KMT2C: variants seen among roughly 807,000 people sequenced by gnomAD.
KMT2C encodes lysine methyltransferase 2C, also known as histone-lysine N-methyltransferase 2C.
In KMT2C, 88 loss-of-function variants were observed where a neutral mutation model predicts 507.9. That is an observed-to-expected ratio of 0.17 (90% confidence interval 0.15 to 0.21). The LOEUF (loss-of-function observed/expected upper bound fraction) is 0.21. Ranked by LOEUF, KMT2C falls within the 10% of genes least tolerant of loss-of-function variation. The pLI is 1.00. For synonymous variants in KMT2C, 2,049 were observed against 2,080.8 expected (o/e 0.98, Z 0.42); for missense variants, 4,954 against 5,957.8 (o/e 0.83, Z 5.55).
intron 12 of KMT2C, among the ~76,000 whole-genome samples, chr7:152,250,304 G>C (rs759609841): frequency 3.3e-5 from 5 of 151,914 alleles, no homozygotes; most frequent in African/African-American, 4.8e-5. Context: ...CTATATAATT[G>C]AACATACAAC....
At chr7:152,182,656 G>C (rs1475136520) in intron 35 of KMT2C, 62 bp from the exon 36 acceptor site, 7 of 1,397,350 alleles carry the variant, frequency 5.0e-6, no homozygotes, top group Non-Finnish European at 6.7e-6. Flanking sequence ...TACCATCATG[G>C]GGGGAAAAAG....
intron 31 of KMT2C, among the ~76,000 whole-genome samples, chr7:152,190,806 T>A (rs1171730205): frequency 6.6e-6 from 1 of 152,194 alleles, no homozygotes; most frequent in East Asian, 1.9e-4. Flanking sequence ...CTCCCCTTTC[T>A]CATCAATTCT....
At chr7:152,143,556 ACTGTGAGATC>A (rs2090814277) in intron 55 of KMT2C, among the ~76,000 whole-genome samples, 1 of 152,240 alleles carries the variant, frequency 6.6e-6, no homozygotes, top group East Asian at 1.9e-4. Flanking sequence ...TCAGGTCCAC[ACTGTGAGATC>A]CTGAATCTCA....
Position 152,148,928 on chromosome 7 carries a change from A to C in KMT2C, c.12999T>G (p.Pro4333=), listed in dbSNP as rs2129095608. The change falls in exon 52 of 59, where the codon CCT becomes CCG. Residue 4333 remains proline (P), a synonymous_variant. Transcript: ENST00000262189. This position sits in a 1 kb window ranked among gnomAD's most constrained non-coding sequence, Gnocchi z 7.1. ...ACCCACCATGGACAGCTCTTAGCCG[A>C]GGCTTCAGCTTGACTGTCACCTTCA... ...DELKVTVKLK[P]RLRAVHGGFE... The C allele has an allele frequency of 4.3e-6, 7 of 1,612,430 alleles. No homozygotes were observed. The highest frequency in any genetic ancestry group is 5.9e-6 in the Non-Finnish European group (7 of 1,179,224).
chr7:152,224,830 A>G (rs2094879410), intron 18 of KMT2C, among the ~76,000 whole-genome samples: 1 of 152,210 alleles, frequency 6.6e-6, no homozygotes, highest in Admixed American at 6.5e-5. Flanking sequence ...AATGGCACAT[A>G]TTTTAACGCC....
chr7:152,349,256 A>T (rs1164806703), intron 2 of KMT2C, among the ~76,000 whole-genome samples: 1 of 151,994 alleles, frequency 6.6e-6, no homozygotes, highest in Non-Finnish European at 1.5e-5. Context: ...GACCAGCCTG[A>T]TCAACATGGA....
In KMT2C at chr7:152,248,146, G is replaced by T. The variant is rs764160326; in HGVS notation, c.2288C>A (p.Ser763Ter). The T allele has an allele frequency of 1.2e-6, 2 of 1,614,166 alleles. No homozygotes were observed. The highest frequency in any genetic ancestry group is 1.1e-5 in the South Asian group (1 of 91,082). The part of the protein sequence containing the change: ...SYQGGKSIKL[S>*]SETESSFSSS... ...TGAAAATGATGACTCTGTCTCAGATGATAACTTTATAGATTTGCCTCCTTG... is the reference window on the plus strand; with the variant it reads ...TGAAAATGATGACTCTGTCTCAGATTATAACTTTATAGATTTGCCTCCTTG... The change falls in exon 14 of 59, where the codon TCA (serine) becomes TAA (stop). Residue 763 changes from serine to a stop codon, truncating the protein, a stop_gained. Coordinates refer to ENST00000262189, the MANE Select transcript of KMT2C (RefSeq NM_170606.3). LOFTEE classifies it high-confidence loss of function.
intron 2 of KMT2C, among the ~76,000 whole-genome samples, chr7:152,339,989 C>CT (rs370264936): frequency 3.0e-4 from 44 of 148,108 alleles, no homozygotes; most frequent in Middle Eastern, 3.4e-3. Flanking sequence ...CTTTAATCAA[C>CT]TTTTTTTTTT....
intron 6 of KMT2C, among the ~76,000 whole-genome samples, chr7:152,301,141 C>A (rs1281080976): frequency 1.3e-5 from 2 of 150,542 alleles, no homozygotes; most frequent in Non-Finnish European, 1.5e-5. Context: ...GGTGGGAGAA[C>A]TGCTTGGGCC....
At chr7:152,255,121 A>ATATATATATATG (rs2095630186) in intron 9 of KMT2C, among the ~76,000 whole-genome samples, 6 of 110,488 alleles carry the variant, frequency 5.4e-5, no homozygotes, top group Non-Finnish European at 8.5e-5. Context: ...ATATATATAT[A>ATATATATATATG]TATATATATA....
intron 3 of KMT2C, among the ~76,000 whole-genome samples, chr7:152,327,196 G>A (rs2096836882): frequency 6.6e-6 from 1 of 152,184 alleles, no homozygotes; most frequent in African/African-American, 2.4e-5. Context: ...TACATGGATA[G>A]CCAATTATTG....
chr7:152,363,918 G>C (rs767528928), intron 1 of KMT2C, among the ~76,000 whole-genome samples: 1 of 152,154 alleles, frequency 6.6e-6, no homozygotes, highest in Non-Finnish European at 1.5e-5. Flanking sequence ...AGAAAGCTGC[G>C]AATCAACTGT....
chr7:152,425,386 G>A (rs1049868740), intron 1 of KMT2C, among the ~76,000 whole-genome samples: 1 of 152,114 alleles, frequency 6.6e-6, no homozygotes, highest in African/African-American at 2.4e-5. Flanking sequence ...GACCAGCCTG[G>A]CCAACATGGT....
chr7:152,410,382 A>G (rs1013496975), intron 1 of KMT2C, among the ~76,000 whole-genome samples: 2 of 150,072 alleles, frequency 1.3e-5, no homozygotes, highest in African/African-American at 4.9e-5. Flanking sequence ...CTCGCACTCC[A>G]GCTTGGGCGA....
At chr7:152,147,897 G>A in intron 52 of KMT2C, 136 bp downstream of exon 52, 3 of 909,632 alleles carry the variant, frequency 3.3e-6, no homozygotes, top group Non-Finnish European at 4.7e-6. Context: ...CACAAACATT[G>A]GCATTTGTAA....
At chr7:152,141,257 C>T (rs2090500699) in intron 55 of KMT2C, among the ~76,000 whole-genome samples, 1 of 151,718 alleles carries the variant, frequency 6.6e-6, no homozygotes, top group African/African-American at 2.4e-5. Context: ...ATGAGAATCG[C>T]TTTAATCTGG....
intron 6 of KMT2C, among the ~76,000 whole-genome samples, chr7:152,283,138 A>G (rs1341778313): frequency 6.6e-6 from 1 of 152,298 alleles, no homozygotes; most frequent in African/African-American, 2.4e-5. Context: ...AAAGGGATAC[A>G]CATAACTTCC....
intron 43 of KMT2C, among the ~76,000 whole-genome samples, chr7:152,160,475 T>C (rs1381489970): frequency 1.3e-5 from 2 of 152,148 alleles, no homozygotes; most frequent in East Asian, 1.9e-4. Context: ...AGGAATCACC[T>C]GGGGATCTTC....
intron 41 of KMT2C, among the ~76,000 whole-genome samples, chr7:152,168,949 G>A (rs975831246): frequency 7.2e-5 from 11 of 152,104 alleles, no homozygotes; most frequent in African/African-American, 2.2e-4. Flanking sequence ...TGGGGAAGAT[G>A]GTTTTTCTGT....
Sources: gnomAD v4.1 joint callset for allele counts (sites outside exome capture counted in the v4.1 genomes callset) on GRCh38, gnomAD v4.1.1 for gene constraint, Gnocchi (gnomAD v3.1) non-coding constraint, MANE v1.5 for transcripts, NCBI Gene and HGNC (gene_info 2026-07-23, HGNC 2026-07-21) for gene names.